The following ABCD3 variants were observed in gnomAD, a reference collection of about 807,000 sequenced individuals.
The protein encoded by ABCD3 is ATP binding cassette subfamily D member 3, also known as ATP-binding cassette sub-family D member 3.
In ABCD3, 41 loss-of-function variants were observed where a neutral mutation model predicts 105.5. The ratio of observed to expected loss-of-function variants is 0.39; its 90% CI spans 0.30 to 0.50. The LOEUF (loss-of-function observed/expected upper bound fraction) is 0.50, where lower values mean the gene tolerates loss of function less well. Ranked by LOEUF, ABCD3 falls within the 20% of genes least tolerant of loss-of-function variation. The pLI is 0.84. For missense variants in ABCD3, 622 were observed against 806.3 expected, an observed-to-expected ratio of 0.77 and a Z score of 2.77; for synonymous variants, 258 against 269.0, an observed-to-expected ratio of 0.96 and a Z score of 0.40.
At chr1:94,506,512 C>T (rs573035322) in intron 20 of ABCD3, 26 bp from the exon 21 acceptor site, 1 of 1,520,734 alleles carries the variant, frequency 6.6e-7, no homozygotes, top group Admixed American at 1.7e-5. Flanking sequence ...CTGTGTTTTA[C>T]ACAAAAAATT....
intron 16 of ABCD3, among the ~76,000 whole-genome samples, chr1:94,498,309 C>T (rs180988885): frequency 2.6e-5 from 4 of 152,042 alleles, no homozygotes; most frequent in South Asian, 4.1e-4. Flanking sequence ...CAGTTTCAAG[C>T]GATCCTCCTG....
At chr1:94,470,204 A>G (rs1648382934) in intron 4 of ABCD3, among the ~76,000 whole-genome samples, 1 of 152,102 alleles carries the variant, frequency 6.6e-6, no homozygotes, top group African/African-American at 2.4e-5. Flanking sequence ...TACTTGATTG[A>G]TAATTTAGCT....
intron 22 of ABCD3, among the ~76,000 whole-genome samples, chr1:94,516,270 G>C (rs1409006852): frequency 6.6e-6 from 1 of 151,888 alleles, no homozygotes; most frequent in East Asian, 1.9e-4. Context: ...TAGACAGGTA[G>C]CCTATATGAA....
intron 20 of ABCD3, 100 bp from the exon 21 acceptor site, chr1:94,506,438 A>G: frequency 1.4e-6 from 1 of 720,004 alleles, no homozygotes; most frequent in Non-Finnish European, 2.5e-6. Flanking sequence ...TATACTTTTG[A>G]TTTACAAGAC....
chr1:94,475,550 T>C, intron 6 of ABCD3, 64 bp from the exon 7 acceptor site: 1 of 1,535,410 alleles, frequency 6.5e-7, no homozygotes, highest in South Asian at 1.1e-5. Context: ...AATATGATTT[T>C]TTTGTTGTTG....
chr1:94,500,002 A>G (rs1650014060), intron 20 of ABCD3, among the ~76,000 whole-genome samples: 1 of 152,134 alleles, frequency 6.6e-6, no homozygotes, highest in South Asian at 2.1e-4. Context: ...TCTTTCTGAA[A>G]TAGCTGAAGG....
intron 1 of ABCD3, among the ~76,000 whole-genome samples, chr1:94,437,341 ATTT>A (rs1659944900): frequency 6.6e-6 from 1 of 152,216 alleles, no homozygotes. Context: ...GCAGCAAGCA[ATTT>A]TAAGTTGAAG....
chr1:94,512,030 G>A (rs1483628682), intron 21 of ABCD3, among the ~76,000 whole-genome samples: 3 of 152,106 alleles, frequency 2.0e-5, no homozygotes, highest in Non-Finnish European at 4.4e-5. Flanking sequence ...TTCCGTTGCT[G>A]GTGAGGAACT....
At chr1:94,438,432 G>A (rs1454125438) in intron 1 of ABCD3, among the ~76,000 whole-genome samples, 1 of 151,972 alleles carries the variant, frequency 6.6e-6, no homozygotes, top group Non-Finnish European at 1.5e-5. Context: ...AAGATGATGT[G>A]AACATTGTTA....
intron 1 of ABCD3, among the ~76,000 whole-genome samples, chr1:94,436,645 A>G (rs553770174): frequency 1.1e-4 from 16 of 152,310 alleles, no homozygotes; most frequent in African/African-American, 3.4e-4. Flanking sequence ...TACCAACAGC[A>G]TGTGCTCACT....
chr1:94,390,250 A>C, the ABCD3 span, among the ~76,000 whole-genome samples: 1 of 152,140 alleles, frequency 6.6e-6, no homozygotes, highest in African/African-American at 2.4e-5. Context: ...TAATTAGTTG[A>C]GAATATAATG....
chr1:94,482,984 T>G (rs1649097973), intron 9 of ABCD3, 186 bp from the exon 10 acceptor site: 1 of 597,612 alleles, frequency 1.7e-6, no homozygotes, highest in Admixed American at 2.8e-5. Context: ...TGTATTCCTG[T>G]GCTCCGATCA....
rs1345803161 is a variant in ABCD3 at position 94,435,948 on chromosome 1, A to C, written c.110+17360A>C. 2.0e-5 allele frequency among the ~76,000 whole-genome samples: 3 copies of C among 152,202 alleles called. No homozygotes were observed. In the East Asian group the frequency reaches 5.8e-4, roughly 29 times the overall value. ...ATCTTGGACCAATGGGAGCCTCTTT[A>C]AGCTGGCTCCTTAGTGCTTTTGACA... On this transcript the variant is annotated intron_variant, in intron 1 of 22. Transcript: ENST00000370214.
At chr1:94,498,905 T>G in intron 18 of ABCD3, 40 bp from the exon 19 acceptor site, 7 of 1,611,012 alleles carry the variant, frequency 4.3e-6, no homozygotes, top group Non-Finnish European at 5.1e-6. Flanking sequence ...ATTTATTTTT[T>G]CATGTTGCTT....
the ABCD3 span, among the ~76,000 whole-genome samples, chr1:94,404,899 G>A: frequency 1.0e-4 from 15 of 146,750 alleles, no homozygotes; most frequent in African/African-American, 2.8e-4. Context: ...ATATTGCGCC[G>A]CTGCACTGCA....
chr1:94,475,004 A>G (rs1648666577), intron 5 of ABCD3, 139 bp from the exon 6 acceptor site: 1 of 620,304 alleles, frequency 1.6e-6, no homozygotes, highest in Non-Finnish European at 2.9e-6. Flanking sequence ...GTAAAGTAAA[A>G]CAGAACTGAA....
intron 1 of ABCD3, among the ~76,000 whole-genome samples, chr1:94,451,395 T>A (rs1360834124): frequency 6.6e-6 from 1 of 152,234 alleles, no homozygotes; most frequent in African/African-American, 2.4e-5. Context: ...CATACTTTAC[T>A]TTTAAGAGCA....
intron 10 of ABCD3, among the ~76,000 whole-genome samples, chr1:94,485,353 G>C (rs1649232320): frequency 6.6e-6 from 1 of 152,200 alleles, no homozygotes; most frequent in Admixed American, 6.5e-5. Context: ...TTTAGTGGAA[G>C]TCTGAAGTTT....
At chr1:94,509,734 G>A (rs1207540596) in intron 21 of ABCD3, among the ~76,000 whole-genome samples, 1 of 152,128 alleles carries the variant, frequency 6.6e-6, no homozygotes, top group Non-Finnish European at 1.5e-5. Context: ...TATGTGTCGA[G>A]GAATTTATCC....
Sources: gnomAD v4.1 joint callset for allele counts (sites outside exome capture counted in the v4.1 genomes callset) on GRCh38, gnomAD v4.1.1 for gene constraint, MANE v1.5 for transcripts, NCBI Gene and HGNC (gene_info 2026-07-23, HGNC 2026-07-21) for gene names.